The following NDST4 variants were observed in gnomAD, a reference collection of about 807,000 sequenced individuals.
The protein encoded by NDST4 is N-deacetylase and N-sulfotransferase 4.
Under a neutral mutation model 100.8 loss-of-function variants are expected in NDST4, and 63 were observed. That is an observed-to-expected ratio of 0.62 (90% confidence interval 0.51 to 0.77). The LOEUF (loss-of-function observed/expected upper bound fraction) is 0.77, where lower values mean the gene tolerates loss of function less well. NDST4 is among the 30% of genes least tolerant of loss of function. The probability of loss-of-function intolerance (pLI) is 0.00; values close to 1 mark genes in which losing one functional copy is unlikely to be tolerated. For synonymous variants in NDST4, 377 were observed against 361.8 expected, an observed-to-expected ratio of 1.04 and a Z score of -0.48; for missense variants, 943 against 1,018.4, an observed-to-expected ratio of 0.93 and a Z score of 1.01.
At chr4:115,059,151 A>T (rs985201055) in intron 2 of NDST4, among the ~76,000 whole-genome samples, 1 of 152,066 alleles carries the variant, frequency 6.6e-6, no homozygotes, top group African/African-American at 2.4e-5. Flanking sequence ...AAGAACCAAA[A>T]GAAAACAAAG....
chr4:114,836,261 T>C (rs1055013074), intron 11 of NDST4, among the ~76,000 whole-genome samples: 3 of 152,228 alleles, frequency 2.0e-5, no homozygotes, highest in Admixed American at 1.3e-4. Flanking sequence ...GTTTTTTCCT[T>C]TCCATATTTA....
chr4:115,000,771 T>C (rs1727274119), intron 2 of NDST4, among the ~76,000 whole-genome samples: 1 of 152,130 alleles, frequency 6.6e-6, no homozygotes, highest in Admixed American at 6.6e-5. Flanking sequence ...TCTTTGATTG[T>C]CCTAGTCCAT....
chr4:115,006,863 G>A (rs1196867151), intron 2 of NDST4, among the ~76,000 whole-genome samples: 1 of 151,988 alleles, frequency 6.6e-6, no homozygotes, highest in East Asian at 1.9e-4. Context: ...GGTGTGAATG[G>A]AGAAAGGCAG....
In NDST4 at chr4:115,059,583, T is replaced by C. The variant is rs528440422; in HGVS notation, c.978+16476A>G. Among the ~76,000 whole-genome samples, 3 of 152,164 alleles carry C rather than the reference T, an allele frequency of 2.0e-5. No homozygotes were observed. In the South Asian group the frequency reaches 6.2e-4, roughly 32 times the overall value. ...AAATTATTAACCCAAGGAGTTCTAT[T>C]ATTTTTACTTTAAAAAATTCTTCTA... On this transcript the variant is annotated intron_variant, in intron 2 of 13. Transcript: ENST00000264363.
chr4:115,075,922 T>G (rs1729170109), intron 2 of NDST4, 137 bp downstream of exon 2: 3 of 1,049,392 alleles, frequency 2.9e-6, no homozygotes, highest in African/African-American at 1.6e-5. Flanking sequence ...TGGTTCAATA[T>G]TTTTCTAAAT....
At chr4:115,005,933 T>C (rs931523777) in intron 2 of NDST4, among the ~76,000 whole-genome samples, 2 of 149,998 alleles carry the variant, frequency 1.3e-5, no homozygotes, top group African/African-American at 2.5e-5. Flanking sequence ...CTCGGGAGGC[T>C]GAGGCAGAGA....
At chr4:114,850,385 C>T (rs915134021) in intron 8 of NDST4, among the ~76,000 whole-genome samples, 3 of 152,102 alleles carry the variant, frequency 2.0e-5, no homozygotes, top group African/African-American at 7.2e-5. Context: ...CAAGAGGCAT[C>T]TGATAGGGAG....
chr4:114,845,671 C>G, intron 10 of NDST4, 152 bp downstream of exon 10: 1 of 592,046 alleles, frequency 1.7e-6, no homozygotes. Flanking sequence ...AAATATACAG[C>G]TCATATTTCT....
In NDST4 at chr4:114,999,309, C is replaced by T. The variant is rs1024400937; in HGVS notation, c.979-22035G>A. Among the ~76,000 whole-genome samples, 5 of 151,912 alleles carry T rather than the reference C, an allele frequency of 3.3e-5. No individual in the cohort carries two copies. In the South Asian group the frequency reaches 6.2e-4, roughly 19 times the overall value. On this transcript the variant is annotated intron_variant, in intron 2 of 13. Coordinates refer to ENST00000264363, the MANE Select transcript of NDST4 (RefSeq NM_022569.3). ...GGAGCTCTAGATTTGTATCCTGGTC[C>T]GCTGTGTACTAGTGGTGTGACCATT...
chr4:114,835,560 A>T (rs570975662), intron 11 of NDST4, among the ~76,000 whole-genome samples: 1 of 152,272 alleles, frequency 6.6e-6, no homozygotes, highest in African/African-American at 2.4e-5. Flanking sequence ...TTTAGAATAC[A>T]TGCTGTGTGG....
intron 6 of NDST4, among the ~76,000 whole-genome samples, chr4:114,910,233 G>T (rs1560807767): frequency 6.6e-6 from 1 of 152,120 alleles, no homozygotes; most frequent in Non-Finnish European, 1.5e-5. Context: ...AAAATTAAAG[G>T]TATTCAATGA....
intron 4 of NDST4, among the ~76,000 whole-genome samples, chr4:114,960,869 T>C (rs1415222270): frequency 6.6e-6 from 1 of 152,148 alleles, no homozygotes; most frequent in Non-Finnish European, 1.5e-5. Flanking sequence ...CCTATAAATA[T>C]ATACTTTCTC....
intron 2 of NDST4, among the ~76,000 whole-genome samples, chr4:114,986,829 T>C (rs1316406248): frequency 8.6e-6 from 1 of 116,448 alleles, no homozygotes; most frequent in East Asian, 2.4e-4. Flanking sequence ...TATATATATA[T>C]ATATTTTAAT....
At chr4:115,108,097 T>C (rs1457139736) in intron 1 of NDST4, among the ~76,000 whole-genome samples, 1 of 152,088 alleles carries the variant, frequency 6.6e-6, no homozygotes, top group Non-Finnish European at 1.5e-5. Flanking sequence ...GAAAGATTGA[T>C]TGAGAAACCA....
At chr4:114,988,352 CTTTTTTTTTT>C (rs991019823) in intron 2 of NDST4, among the ~76,000 whole-genome samples, 7 of 64,204 alleles carry the variant, frequency 1.1e-4, no homozygotes, top group African/African-American at 4.8e-4. Flanking sequence ...ATACACATAT[CTTTTTTTTTT>C]TTTTTTTTTT....
At chr4:114,862,685 A>T (rs1400429209) in intron 7 of NDST4, among the ~76,000 whole-genome samples, 1 of 152,138 alleles carries the variant, frequency 6.6e-6, no homozygotes, top group African/African-American at 2.4e-5. Context: ...TAAAATGTTC[A>T]CAGAAATAAG....
chr4:114,835,548 A>C (rs552628082), intron 11 of NDST4, among the ~76,000 whole-genome samples: 1 of 152,280 alleles, frequency 6.6e-6, no homozygotes, highest in Admixed American at 6.5e-5. Flanking sequence ...TACGTGGTCA[A>C]TTTTAGAATA....
intron 4 of NDST4, among the ~76,000 whole-genome samples, chr4:114,946,833 T>A (rs1725876979): frequency 6.6e-6 from 1 of 152,180 alleles, no homozygotes; most frequent in South Asian, 2.1e-4. Context: ...AAAAACATTG[T>A]TATGATGATT....
chr4:115,048,429 G>C (rs1424257575), intron 2 of NDST4, among the ~76,000 whole-genome samples: 2 of 151,968 alleles, frequency 1.3e-5, no homozygotes, highest in Non-Finnish European at 2.9e-5. Context: ...GCCTCTTCAA[G>C]AGACTCATTT....
Sources: gnomAD v4.1 joint callset for allele counts (sites outside exome capture counted in the v4.1 genomes callset) on GRCh38, gnomAD v4.1.1 for gene constraint, MANE v1.5 for transcripts, NCBI Gene and HGNC (gene_info 2026-07-23, HGNC 2026-07-21) for gene names.